Variants in NXPH1 observed in about 807,000 individuals in gnomAD.
The protein encoded by NXPH1 is neurexophilin 1, also known as neurexophilin-1.
NXPH1 carries 5 observed loss-of-function variants against 23.7 expected under a neutral mutation model. The observed-to-expected ratio is 0.21, with a 90% CI of 0.11 to 0.44. The LOEUF (loss-of-function observed/expected upper bound fraction) is 0.44. NXPH1 is among the 20% of genes least tolerant of loss of function. The pLI is 0.99. For synonymous variants in NXPH1, 144 were observed against 122.2 expected (o/e 1.18, Z -1.18); for missense variants, 324 against 321.6 (o/e 1.01, Z -0.06).
At chr7:8,444,499 A>G (rs1001396601) in intron 2 of NXPH1, among the ~76,000 whole-genome samples, 9 of 151,764 alleles carry the variant, frequency 5.9e-5, no homozygotes, top group African/African-American at 1.7e-4. Context: ...GCCTATTCCC[A>G]TTTCTCCTCT....
intron 2 of NXPH1, among the ~76,000 whole-genome samples, chr7:8,723,843 T>G (rs774092793): frequency 6.6e-6 from 1 of 152,118 alleles, no homozygotes; most frequent in Non-Finnish European, 1.5e-5. Flanking sequence ...ACACAGGTTC[T>G]AAAGTTGGAA....
chr7:8,620,920 T>C (rs1819854027), intron 2 of NXPH1, among the ~76,000 whole-genome samples: 1 of 152,178 alleles, frequency 6.6e-6, no homozygotes, highest in Non-Finnish European at 1.5e-5. Context: ...AGGTAATTCA[T>C]AACCTATGAA....
chr7:8,658,943 T>C (rs911617981), intron 2 of NXPH1, among the ~76,000 whole-genome samples: 8 of 152,038 alleles, frequency 5.3e-5, no homozygotes, highest in African/African-American at 1.7e-4. Flanking sequence ...ATTTAAATGC[T>C]GTGATTTACA....
intron 2 of NXPH1, among the ~76,000 whole-genome samples, chr7:8,641,122 T>C (rs1820301773): frequency 1.3e-5 from 2 of 152,296 alleles, no homozygotes; most frequent in East Asian, 3.9e-4. Flanking sequence ...AGTTTTATCA[T>C]ATTCTTGATA....
chr7:8,639,511 T>C (rs1373001620), intron 2 of NXPH1, among the ~76,000 whole-genome samples: 1 of 152,254 alleles, frequency 6.6e-6, no homozygotes, highest in Non-Finnish European at 1.5e-5. Context: ...TTTGCCGATT[T>C]GTTGGCTGAA....
intron 2 of NXPH1, among the ~76,000 whole-genome samples, chr7:8,707,474 G>A (rs527591890): frequency 5.9e-5 from 9 of 152,212 alleles, no homozygotes; most frequent in African/African-American, 2.2e-4. Flanking sequence ...CTGTCCTTCT[G>A]CTTCCAACTC....
chr7:8,660,120 C>T (rs4725111), intron 2 of NXPH1, among the ~76,000 whole-genome samples: 106,251 of 152,162 alleles, frequency 0.7, 37,814 homozygotes, highest in East Asian at 1. Flanking sequence ...ACAGCAGATA[C>T]ATGGAGCATC....
chr7:8,656,657 A>G (rs1820587847), intron 2 of NXPH1, among the ~76,000 whole-genome samples: 1 of 152,012 alleles, frequency 6.6e-6, no homozygotes, highest in East Asian at 1.9e-4. Flanking sequence ...CTCGTCATCT[A>G]GCATTAGGTA....
chr7:8,478,592 C>T (rs1179442085), intron 2 of NXPH1, among the ~76,000 whole-genome samples: 1 of 151,864 alleles, frequency 6.6e-6, no homozygotes, highest in African/African-American at 2.4e-5. Flanking sequence ...AATTCTAAAA[C>T]CATAATTCAA....
intron 2 of NXPH1, among the ~76,000 whole-genome samples, chr7:8,627,345 A>G (rs1434801352): frequency 6.6e-6 from 1 of 152,160 alleles, no homozygotes; most frequent in Non-Finnish European, 1.5e-5. Flanking sequence ...GCAAGTCTAT[A>G]TGGGAGGAGA....
In NXPH1 at chr7:8,435,207, G is replaced by A. The variant is rs1325376479; in HGVS notation, c.-110-397G>A. 1 of 218,956 alleles carries A rather than the reference G, an allele frequency of 4.6e-6. No individual in the cohort carries two copies. The highest frequency in any genetic ancestry group is 5.3e-5 in the Admixed American group (1 of 19,028). The allele number at this position is 218,956 out of a possible 1,614,324, so 13.6% of individuals were successfully genotyped here. ...TCTCTCTGCTGGTGTGTACGTGTGT[G>A]AGCACTGCCAGGGCTGGCGAAGAAC... On this transcript the variant is annotated intron_variant, in intron 1 of 2. Transcript: ENST00000405863. This position sits in a 1 kb window ranked among gnomAD's most constrained non-coding sequence, Gnocchi z 5.9.
In NXPH1 at chr7:8,464,755, G is replaced by GTT. The variant is rs34571106; in HGVS notation, c.54+28996_54+28997dup. 2.1e-3 allele frequency among the ~76,000 whole-genome samples: 312 copies of GTT among 151,096 alleles called. 2 individuals carry two copies. The highest frequency in any genetic ancestry group is 0.015 in the South Asian group (70 of 4,782). ...AGAGCAAATGTGTAATGCGTGTAGTGTTTTTTTTTGTACTTGAATACTATT... is the reference window on the plus strand; with the variant it reads ...AGAGCAAATGTGTAATGCGTGTAGTGTTTTTTTTTTTGTACTTGAATACTATT... On this transcript the variant is annotated intron_variant, in intron 2 of 2. Coordinates refer to ENST00000405863, the MANE Select transcript of NXPH1 (RefSeq NM_152745.3).
intron 2 of NXPH1, among the ~76,000 whole-genome samples, chr7:8,745,334 ATGG>A (rs1780448650): frequency 1.4e-5 from 2 of 145,946 alleles, no homozygotes; most frequent in South Asian, 4.6e-4. Context: ...TTTTTTGTGT[ATGG>A]TGAGAATGCT....
At chr7:8,669,310 G>T (rs1420557176) in intron 2 of NXPH1, among the ~76,000 whole-genome samples, 1 of 152,134 alleles carries the variant, frequency 6.6e-6, no homozygotes, top group Admixed American at 6.5e-5. Context: ...ACCCAGCTCT[G>T]TGCTGGTCTG....
intron 2 of NXPH1, among the ~76,000 whole-genome samples, chr7:8,667,853 A>G (rs1371478796): frequency 2.6e-5 from 4 of 151,948 alleles, no homozygotes; most frequent in African/African-American, 4.8e-5. Context: ...CATAAATCCC[A>G]TGTTTTATTT....
intron 2 of NXPH1, among the ~76,000 whole-genome samples, chr7:8,604,159 A>G (rs1819425320): frequency 6.6e-6 from 1 of 152,202 alleles, no homozygotes; most frequent in African/African-American, 2.4e-5. Flanking sequence ...TCTAAGTCAG[A>G]ATCATGTACT....
At chr7:8,596,271 A>G (rs1364219143) in intron 2 of NXPH1, among the ~76,000 whole-genome samples, 1 of 152,066 alleles carries the variant, frequency 6.6e-6, no homozygotes, top group East Asian at 1.9e-4. Context: ...CTGTTCAGGA[A>G]CAGAATGACA....
intron 2 of NXPH1, among the ~76,000 whole-genome samples, chr7:8,674,322 T>C (rs1245669478): frequency 6.6e-6 from 1 of 152,094 alleles, no homozygotes; most frequent in African/African-American, 2.4e-5. Flanking sequence ...ATGACTAAAC[T>C]GAGTAAATGG....
intron 2 of NXPH1, among the ~76,000 whole-genome samples, chr7:8,555,064 G>A (rs1818335104): frequency 2.0e-5 from 3 of 151,638 alleles, no homozygotes. Context: ...CTTCGTTTCT[G>A]AAAAAGTGTA....
Sources: allele counts gnomAD v4.1 joint callset (sites outside exome capture counted in the v4.1 genomes callset), GRCh38; gene constraint gnomAD v4.1.1; non-coding constraint Gnocchi (gnomAD v3.1); transcripts MANE v1.5; gene names NCBI Gene and HGNC (gene_info 2026-07-23, HGNC 2026-07-21).